Variants in WNT7A observed in about 807,000 individuals in gnomAD.
The protein encoded by WNT7A is protein Wnt-7a.
A neutral mutation model predicts 28.2 loss-of-function variants in WNT7A; 16 were observed. That is an observed-to-expected ratio of 0.57 (90% CI 0.38 to 0.86). The LOEUF (loss-of-function observed/expected upper bound fraction) is 0.86, where lower values mean the gene tolerates loss of function less well. WNT7A is among the 40% of genes least tolerant of loss of function. The pLI is 0.00. For synonymous variants in WNT7A, 190 were observed against 195.9 expected, an observed-to-expected ratio of 0.97 and a Z score of 0.25; for missense variants, 411 against 489.7, an observed-to-expected ratio of 0.84 and a Z score of 1.52.
intron 3 of WNT7A, among the ~76,000 whole-genome samples, chr3:13,830,695 C>T (rs968594242): frequency 2.0e-5 from 3 of 152,276 alleles, no homozygotes; most frequent in East Asian, 1.9e-4. Context: ...AGAACCACAG[C>T]GCCTGCCAGG....
intron 3 of WNT7A, among the ~76,000 whole-genome samples, chr3:13,840,487 T>C (rs1694438491): frequency 6.6e-6 from 1 of 152,200 alleles, no homozygotes; most frequent in South Asian, 2.1e-4. Context: ...TTCCATCCTT[T>C]CTTTCAGCTG....
intron 3 of WNT7A, among the ~76,000 whole-genome samples, chr3:13,848,921 G>A (rs962705978): frequency 1.7e-4 from 26 of 152,192 alleles, no homozygotes; most frequent in Admixed American, 1.6e-3. Context: ...CAAGGTAAAG[G>A]AACCGGCTAC....
At chr3:13,874,572 G>A (rs76809538) in intron 2 of WNT7A, among the ~76,000 whole-genome samples, 3,055 of 152,186 alleles carry the variant, frequency 0.02, 102 homozygotes, top group African/African-American at 0.069. Flanking sequence ...AACCACATGG[G>A]CACACATGTA....
Position 13,819,167 on chromosome 3 carries a change from T to C in WNT7A, c.827A>G (p.Asn276Ser), listed in dbSNP as rs1366112962. The change falls in exon 4 of 4, where the codon AAC (asparagine) becomes AGC (serine). Residue 276 changes from asparagine (N) to serine (S), a missense_variant. Coordinates refer to ENST00000285018, the MANE Select transcript of WNT7A (RefSeq NM_004625.4). ...TDLVYIEKSP[N>S]YCEEDPVTGS... The stretch of plus-strand genomic sequence containing the variant: ...GGTCACCGGGTCCTCCTCGCAGTAG[T>C]TGGGCGACTTCTCGATGTACACCAG... The C allele has an allele frequency of 2.5e-6, 4 of 1,614,062 alleles. No individual in the cohort carries two copies. The highest frequency in any genetic ancestry group is 3.3e-5 in the Admixed American group (2 of 60,012).
intron 3 of WNT7A, among the ~76,000 whole-genome samples, chr3:13,851,872 G>C (rs144127599): frequency 1.3e-5 from 2 of 152,194 alleles, no homozygotes; most frequent in South Asian, 2.1e-4. Context: ...TCAATCCAAA[G>C]TACAAAGGCC....
rs1403341985 is a variant in WNT7A at position 13,854,552 on chromosome 3, T to C, written c.550A>G (p.Asn184Asp). 1 of 1,614,140 alleles carries C rather than the reference T, an allele frequency of 6.2e-7. No individual in the cohort carries two copies. Among genetic ancestry groups the C allele is most frequent in the Admixed American group, 1.7e-5 (1 of 60,026 alleles). ...QNARTLMNLH[N>D]NEAGRKILEE... ...CCTACCTTTCGGCCTGCCTCGTTGT[T>C]GTGCAAGTTCATGAGAGTCCGGGCA... The change falls in exon 3 of 4, where the codon AAC becomes GAC. Residue 184 changes from asparagine to aspartate, a missense_variant. Coordinates refer to ENST00000285018, the MANE Select transcript of WNT7A (RefSeq NM_004625.4).
intron 1 of WNT7A, 29 bp downstream of exon 1, chr3:13,879,717 C>A (rs562871554): frequency 6.2e-7 from 1 of 1,609,164 alleles, no homozygotes; most frequent in Non-Finnish European, 8.5e-7. Flanking sequence ...TGTCGAAACA[C>A]GCGCGGAAAG....
At chr3:13,835,511 C>A (rs1694352993) in intron 3 of WNT7A, among the ~76,000 whole-genome samples, 1 of 152,246 alleles carries the variant, frequency 6.6e-6, no homozygotes, top group Non-Finnish European at 1.5e-5. Context: ...GCTCTGGCCA[C>A]CCCCATGGGG....
At chr3:13,845,661 G>A (rs1163232177) in intron 3 of WNT7A, among the ~76,000 whole-genome samples, 1 of 152,200 alleles carries the variant, frequency 6.6e-6, no homozygotes, top group Non-Finnish European at 1.5e-5. Context: ...AGCACAGGGA[G>A]CACCTGCCTC....
chr3:13,825,565 T>C lies in WNT7A; in HGVS notation c.571-6142A>G, dbSNP rs552329287. On this transcript the variant is annotated intron_variant, in intron 3 of 3. Transcript: ENST00000285018. The stretch of plus-strand genomic sequence containing the variant: ...CTTTAAGCTACCAGCAGTTTAACAA[T>C]TGACAAATCCTGAATATTTAGTAGC... 2.0e-5 allele frequency among the ~76,000 whole-genome samples: 3 copies of C among 152,246 alleles called. No homozygotes were observed. In the East Asian group the frequency reaches 5.8e-4, roughly 29 times the overall value.
At chr3:13,854,473 A>G in intron 3 of WNT7A, 59 bp downstream of exon 3, 1 of 1,611,458 alleles carries the variant, frequency 6.2e-7, no homozygotes, top group South Asian at 1.1e-5. Context: ...GATGTTACAA[A>G]CAAGCCATTT....
chr3:13,878,754 A>T (rs1695153885), intron 1 of WNT7A, among the ~76,000 whole-genome samples: 4 of 152,142 alleles, frequency 2.6e-5, no homozygotes, highest in Admixed American at 2.6e-4. Context: ...CTGGAGGGGC[A>T]GGGTGTGTGA....
At chr3:13,850,015 C>T (rs1411417240) in intron 3 of WNT7A, among the ~76,000 whole-genome samples, 1 of 152,206 alleles carries the variant, frequency 6.6e-6, no homozygotes. Flanking sequence ...GAAAGAAGCC[C>T]CTGCCATGGA....
In WNT7A at chr3:13,823,195, C is replaced by T. The variant is rs936748889; in HGVS notation, c.571-3772G>A. On this transcript the variant is annotated intron_variant, in intron 3 of 3. Coordinates refer to ENST00000285018, the MANE Select transcript of WNT7A (RefSeq NM_004625.4). ...GTGTGAGGGACAAAGCTGCACTCTG[C>T]ACCCTACTGCTTGAGGCCAGGCTTC... is the stretch of plus-strand genomic sequence containing the variant. 4.5e-4 allele frequency among the ~76,000 whole-genome samples: 68 copies of T among 152,224 alleles called. 1 individual carries two copies. Among genetic ancestry groups the T allele is most frequent in the Admixed American group, 3.4e-3 (52 of 15,290 alleles).
chr3:13,826,141 C>T (rs569078494), intron 3 of WNT7A, among the ~76,000 whole-genome samples: 1 of 152,286 alleles, frequency 6.6e-6, no homozygotes, highest in Admixed American at 6.5e-5. Context: ...TGGGGAGTTC[C>T]CAGGAAGACT....
intron 3 of WNT7A, among the ~76,000 whole-genome samples, chr3:13,838,401 A>T (rs1402190694): frequency 6.6e-6 from 1 of 151,830 alleles, no homozygotes; most frequent in African/African-American, 2.4e-5. Flanking sequence ...GGAACTGAAG[A>T]CTCCCACAGC....
rs775364220 is a variant in WNT7A, at chr3:13,854,709, A to G, written c.393T>C (p.Cys131=). 1.6e-5 allele frequency: 26 copies of G among 1,614,110 alleles called. No homozygotes were observed. The highest frequency in any genetic ancestry group is 3.3e-4 in the Middle Eastern group (2 of 6,060). The change falls in exon 3 of 4, where the codon TGT becomes TGC. Residue 131 remains cysteine, a synonymous_variant. Transcript: ENST00000285018. ...AACTQGNLSD[C]GCDKEKQGQY... is the part of the protein sequence containing the mutation. ...GGCCTTGCTTCTCTTTGTCGCAGCC[A>G]CAGTCGCTCAGGTTGCCCTGGGTAC...
At chr3:13,849,401 C>G (rs947893297) in intron 3 of WNT7A, among the ~76,000 whole-genome samples, 3 of 152,200 alleles carry the variant, frequency 2.0e-5, no homozygotes, top group Non-Finnish European at 4.4e-5. Context: ...TTGTTTATCT[C>G]AAATTCAACT....
intron 2 of WNT7A, among the ~76,000 whole-genome samples, chr3:13,869,400 A>C (rs1362444766): frequency 6.7e-6 from 1 of 148,882 alleles, no homozygotes; most frequent in Non-Finnish European, 1.5e-5. Context: ...AGAAAGAGAG[A>C]AAGAGAAAGG....
Sources: allele counts gnomAD v4.1 joint callset (sites outside exome capture counted in the v4.1 genomes callset), GRCh38; gene constraint gnomAD v4.1.1; transcripts MANE v1.5; gene names NCBI Gene and HGNC (gene_info 2026-07-23, HGNC 2026-07-21).